Variants in DIP2C observed in about 807,000 individuals in gnomAD.
DIP2C encodes the protein disco-interacting protein 2 homolog C.
A neutral mutation model predicts 192.4 loss-of-function variants in DIP2C; 33 were observed. The observed-to-expected ratio is 0.17, with a 90% CI of 0.13 to 0.23. The LOEUF (loss-of-function observed/expected upper bound fraction) is 0.23. Ranked by LOEUF, DIP2C falls within the 10% of genes least tolerant of loss-of-function variation. DIP2C has a pLI of 1.00. For synonymous variants in DIP2C, 979 were observed against 864.1 expected (o/e 1.13, Z -2.33); for missense variants, 1,537 against 2,110.1 (o/e 0.73, Z 5.32).
Position 277,457 on chromosome 10 carries a change from G to T in DIP2C, c.4539C>A (p.Ile1513=), listed in dbSNP as rs778237403. 6.2e-7 allele frequency: 1 copy of T among 1,614,154 alleles called. No homozygotes were observed. The highest frequency in any genetic ancestry group is 1.3e-5 in the African/African-American group (1 of 75,028). Residue 1513 remains isoleucine (I), a synonymous_variant, in exon 37 of 37, where the codon ATC becomes ATA. Transcript: ENST00000280886. ...TNVVLEEHYL[I]VGVVVVVDIG... ...TGTCCACCACGACCACCACTCCGAC[G>T]ATCAGGTAGTGCTCCTCCAGGACCA...
chr10:418,303 C>T (rs905170398), intron 6 of DIP2C, among the ~76,000 whole-genome samples: 6 of 149,200 alleles, frequency 4.0e-5, no homozygotes, highest in African/African-American at 9.9e-5. Flanking sequence ...TGTCGGAGCT[C>T]GGATAGGCCT....
At chr10:408,883 G>A in intron 9 of DIP2C, 43 bp downstream of exon 9, 1 of 1,596,264 alleles carries the variant, frequency 6.3e-7, no homozygotes, top group Non-Finnish European at 8.6e-7. Context: ...TTTCCCACAG[G>A]ACTCTTGTGT....
intron 1 of DIP2C, among the ~76,000 whole-genome samples, chr10:508,291 TC>T (rs1845770551): frequency 6.6e-6 from 1 of 152,134 alleles, no homozygotes; most frequent in African/African-American, 2.4e-5. Context: ...GAGCAGCATC[TC>T]CGGTGCCCGT....
At chr10:476,659 C>A (rs955365188) in intron 2 of DIP2C, among the ~76,000 whole-genome samples, 4 of 152,182 alleles carry the variant, frequency 2.6e-5, no homozygotes, top group African/African-American at 9.6e-5. Context: ...CTCTCCCAGG[C>A]CCCTCCACAC....
intron 2 of DIP2C, 128 bp downstream of exon 2, chr10:486,331 G>A (rs989611382): frequency 2.6e-6 from 2 of 780,384 alleles, no homozygotes. Flanking sequence ...TGAATGCCTG[G>A]AGGGTGAACG....
chr10:360,239 G>A (rs1959288259), intron 22 of DIP2C, among the ~76,000 whole-genome samples: 1 of 152,202 alleles, frequency 6.6e-6, no homozygotes, highest in Admixed American at 6.5e-5. Context: ...CTGGGAGGCA[G>A]AGGCCTTCTA....
intron 32 of DIP2C, among the ~76,000 whole-genome samples, chr10:302,191 G>A (rs1457692954): frequency 6.6e-6 from 1 of 152,104 alleles, no homozygotes; most frequent in African/African-American, 2.4e-5. Flanking sequence ...TAATTGTACT[G>A]AGACTTACAG....
Position 457,991 on chromosome 10 carries a change from A to G in DIP2C, c.268+14448T>C, listed in dbSNP as rs534536138. 2.4e-3 allele frequency among the ~76,000 whole-genome samples: 362 copies of G among 152,296 alleles called. 3 individuals are homozygous for G. The highest frequency in any genetic ancestry group is 7.6e-3 in the African/African-American group (318 of 41,576). ...CAGGTCTGGCAACAGTCCCACCCAC[A>G]CCATCCAGCATGAGAGCCGCCCAGC... On this transcript the variant is annotated intron_variant, in intron 3 of 36. Transcript: ENST00000280886.
intron 10 of DIP2C, among the ~76,000 whole-genome samples, chr10:394,973 C>G (rs947611246): frequency 2.6e-5 from 4 of 152,026 alleles, no homozygotes; most frequent in African/African-American, 9.7e-5. Flanking sequence ...AGGAGGGAAG[C>G]CTGCCGTATG....
intron 2 of DIP2C, among the ~76,000 whole-genome samples, chr10:477,859 AG>A (rs537255474): frequency 5.0e-4 from 69 of 137,676 alleles, no homozygotes; most frequent in African/African-American, 1.8e-3. Context: ...GGAGAAGTGA[AG>A]GAAGCAGAGA....
At chr10:601,296 G>T (rs1852058811) in intron 1 of DIP2C, among the ~76,000 whole-genome samples, 1 of 152,138 alleles carries the variant, frequency 6.6e-6, no homozygotes, top group South Asian at 2.1e-4. Context: ...GCTACATTAA[G>T]GTTTACAACA....
intron 21 of DIP2C, 60 bp from the exon 22 acceptor site, chr10:362,751 A>G: frequency 6.6e-7 from 1 of 1,515,522 alleles, no homozygotes; most frequent in Non-Finnish European, 8.9e-7. Flanking sequence ...GTACGTATTT[A>G]TATTATGCAA....
intron 31 of DIP2C, among the ~76,000 whole-genome samples, chr10:316,686 C>T (rs1474070399): frequency 2.0e-5 from 3 of 152,194 alleles, no homozygotes; most frequent in Non-Finnish European, 4.4e-5. Flanking sequence ...TTCCTGCTCA[C>T]CTCCCAGCCC....
chr10:657,030 A>C (rs1326900215), intron 1 of DIP2C, among the ~76,000 whole-genome samples: 3 of 151,992 alleles, frequency 2.0e-5, no homozygotes, highest in African/African-American at 7.3e-5. Flanking sequence ...GCCATGTGGA[A>C]AGTTGGCTGG....
rs1195593888 is a variant in DIP2C, at chr10:417,934, G to A, written c.739+1131C>T. 4.9e-5 allele frequency among the ~76,000 whole-genome samples: 5 copies of A among 102,858 alleles called. No homozygotes were observed. In the East Asian group the frequency reaches 1.1e-3, roughly 23 times the overall value. 67.5% of individuals were successfully genotyped at this position (102,858 alleles called of 152,430 possible). ...TCCCTGTCCACCTGTTCCTGTCAGG[G>A]CTTCGATAGGCCTCCCTGTCCACCT... On this transcript the variant is annotated intron_variant, in intron 6 of 36. Coordinates refer to ENST00000280886, the MANE Select transcript of DIP2C (RefSeq NM_014974.3).
intron 3 of DIP2C, among the ~76,000 whole-genome samples, chr10:468,870 C>T (rs939524511): frequency 6.6e-6 from 1 of 152,240 alleles, no homozygotes; most frequent in African/African-American, 2.4e-5. Flanking sequence ...AAATAAATGA[C>T]ACTTCAAGGA....
chr10:636,082 ATG>A lies in DIP2C; in HGVS notation c.85+53410_85+53411del, dbSNP rs1425345216. ...CATTCTTAATGACAATCCACACTACATGTGTGTTTCCAGCATCAACCTGTGCT... is the reference window on the plus strand; with the variant it reads ...CATTCTTAATGACAATCCACACTACATGTGTTTCCAGCATCAACCTGTGCT... On this transcript the variant is annotated intron_variant, in intron 1 of 36. Coordinates refer to ENST00000280886, the MANE Select transcript of DIP2C (RefSeq NM_014974.3). The surrounding 1 kb of genome is among the most constrained non-coding windows in gnomAD (Gnocchi z 4.6). Among the ~76,000 whole-genome samples, 1 of 152,204 alleles carries A rather than the reference ATG, an allele frequency of 6.6e-6. No individual in the cohort carries two copies. Among genetic ancestry groups the A allele is most frequent in the African/African-American group, 2.4e-5 (1 of 41,454 alleles).
At chr10:461,232 C>T (rs1195880168) in intron 3 of DIP2C, among the ~76,000 whole-genome samples, 1 of 152,012 alleles carries the variant, frequency 6.6e-6, no homozygotes, top group Admixed American at 6.5e-5. Flanking sequence ...GGCTAAATGC[C>T]CCCATTAAAA....
At chr10:619,537 GCCCGCCCT>G (rs1554757180) in intron 1 of DIP2C, among the ~76,000 whole-genome samples, 1 of 51,330 alleles carries the variant, frequency 1.9e-5, no homozygotes, top group Non-Finnish European at 5.4e-5. Flanking sequence ...AAGCCCGCCC[GCCCGCCCT>G]CCCACCCAGC....
Sources: allele counts gnomAD v4.1 joint callset (sites outside exome capture counted in the v4.1 genomes callset), GRCh38; gene constraint gnomAD v4.1.1; non-coding constraint Gnocchi (gnomAD v3.1); transcripts MANE v1.5; gene names NCBI Gene and HGNC (gene_info 2026-07-23, HGNC 2026-07-21).